The following ELAVL2 variants were observed in gnomAD, a reference collection of about 807,000 sequenced individuals.
The protein encoded by ELAVL2 is ELAV like RNA binding protein 2.
In ELAVL2, 4 loss-of-function variants were observed where a neutral mutation model predicts 34.6. That is an observed-to-expected ratio of 0.12 (90% CI 0.06 to 0.26). The LOEUF (loss-of-function observed/expected upper bound fraction) is 0.26. Among genes scored for constraint, ELAVL2 ranks in the 10% least tolerant of loss-of-function variants. The pLI, the probability that ELAVL2 is intolerant of heterozygous loss-of-function variation, is 1.00. For synonymous variants in ELAVL2, 193 were observed against 154.8 expected, an observed-to-expected ratio of 1.25 and a Z score of -1.83; for missense variants, 432 against 442.8, an observed-to-expected ratio of 0.98 and a Z score of 0.22.
intron 1 of ELAVL2, chr9:23,783,575 A>C: frequency 1.2e-6 from 1 of 840,396 alleles, no homozygotes; most frequent in Non-Finnish European, 1.4e-6. Flanking sequence ...AGAAGAAAAC[A>C]GATATGCCTC....
chr9:23,792,808 T>C (rs1043360670), intron 1 of ELAVL2, among the ~76,000 whole-genome samples: 2 of 152,116 alleles, frequency 1.3e-5, no homozygotes, highest in African/African-American at 2.4e-5. Context: ...TCTTACTCTG[T>C]CGCCCAGGAT....
At chr9:23,812,438 G>A (rs925983958) in intron 1 of ELAVL2, among the ~76,000 whole-genome samples, 6 of 151,982 alleles carry the variant, frequency 3.9e-5, no homozygotes, top group African/African-American at 1.5e-4. Flanking sequence ...AGCTCCACGG[G>A]AATGACTCCC....
intron 3 of ELAVL2, among the ~76,000 whole-genome samples, chr9:23,713,124 G>A (rs567481417): frequency 1.3e-5 from 2 of 152,274 alleles, no homozygotes; most frequent in Non-Finnish European, 2.9e-5. Context: ...AGTACAACTG[G>A]TACATAACTT....
intron 2 of ELAVL2, among the ~76,000 whole-genome samples, chr9:23,749,074 A>G (rs908098390): frequency 3.9e-5 from 6 of 152,152 alleles, no homozygotes; most frequent in African/African-American, 1.2e-4. Context: ...CGGCTGCATA[A>G]TACTGTGAAT....
upstream of ELAVL2, among the ~76,000 whole-genome samples, chr9:23,826,684 C>T (rs779476068): frequency 6.6e-5 from 10 of 152,186 alleles, no homozygotes; most frequent in Admixed American, 1.3e-4. Context: ...CAGAAAGATT[C>T]ATTTCCTTTG....
chr9:23,819,721 A>C (rs892526320), intron 1 of ELAVL2, among the ~76,000 whole-genome samples: 4 of 152,230 alleles, frequency 2.6e-5, no homozygotes, highest in African/African-American at 7.2e-5. Flanking sequence ...GCTGGTTTTA[A>C]CCACACAAAA....
At chr9:23,743,527 G>A (rs2049785954) in intron 2 of ELAVL2, among the ~76,000 whole-genome samples, 1 of 152,156 alleles carries the variant, frequency 6.6e-6, no homozygotes, top group Non-Finnish European at 1.5e-5. Flanking sequence ...AATGAGCAGA[G>A]CACAGAGGCT....
chr9:23,739,796 C>CAT (rs1022606678), intron 2 of ELAVL2, among the ~76,000 whole-genome samples: 2 of 151,810 alleles, frequency 1.3e-5, no homozygotes, highest in African/African-American at 4.8e-5. Context: ...CACACACACA[C>CAT]GCACACACCC....
intron 3 of ELAVL2, among the ~76,000 whole-genome samples, chr9:23,726,456 A>T (rs1554687601): frequency 2.0e-5 from 3 of 151,684 alleles, no homozygotes; most frequent in Non-Finnish European, 4.4e-5. Flanking sequence ...TCTAGACAGA[A>T]TTTTTTTTTC....
chr9:23,797,427 A>C (rs966957177), intron 1 of ELAVL2, among the ~76,000 whole-genome samples: 6 of 152,242 alleles, frequency 3.9e-5, no homozygotes, highest in Non-Finnish European at 8.8e-5. Context: ...TCTTCATGTT[A>C]TCTGGTAAAT....
At chr9:23,744,929 G>A (rs1048946560) in intron 2 of ELAVL2, among the ~76,000 whole-genome samples, 1 of 151,942 alleles carries the variant, frequency 6.6e-6, no homozygotes, top group African/African-American at 2.4e-5. Context: ...AAAAAAACAG[G>A]CTGGGCACAG....
chr9:23,822,912 T>C lies in ELAVL2; in HGVS notation c.-16+2894A>G, dbSNP rs911482794. On this transcript the variant is annotated intron_variant, in intron 1 of 6. Coordinates refer to ENST00000397312, the MANE Select transcript of ELAVL2 (RefSeq NM_004432.5). ...GGGCGTCCAGCGCTCCCCGCCCCCATGCGACGGGCGGAGCGGGGTTGGGGG... is the reference window on the plus strand; with the variant it reads ...GGGCGTCCAGCGCTCCCCGCCCCCACGCGACGGGCGGAGCGGGGTTGGGGG... 2.0e-5 allele frequency among the ~76,000 whole-genome samples: 3 copies of C among 152,178 alleles called. No homozygotes were observed. In the East Asian group the frequency reaches 5.8e-4, roughly 29 times the overall value.
chr9:23,840,779 A>C, the ELAVL2 span, among the ~76,000 whole-genome samples: 1,575 of 152,296 alleles, frequency 0.01, 26 homozygotes, highest in African/African-American at 0.036. Context: ...CTATTTAATA[A>C]ACATAGGCAA....
rs531342599 is a variant in ELAVL2, at chr9:23,772,904, T to C, written c.-15-10655A>G. On this transcript the variant is annotated intron_variant, in intron 1 of 6. Transcript: ENST00000397312. ...TCTTAAAAAAACAAGATTCACACCC[T>C]AAGATAGTAACTTTATTTCCTTTGG... Among the ~76,000 whole-genome samples the C allele has an allele frequency of 9.8e-4, 149 of 152,290 alleles. 2 individuals carry two copies. In the South Asian group the frequency reaches 0.03, roughly 31 times the overall value.
intron 5 of ELAVL2, among the ~76,000 whole-genome samples, chr9:23,699,794 A>G (rs552602615): frequency 2.9e-5 from 4 of 139,728 alleles, no homozygotes; most frequent in African/African-American, 8.2e-5. Context: ...CTACCATGGG[A>G]AGTCAAAGGT....
chr9:23,816,879 G>C (rs771304046), intron 1 of ELAVL2, among the ~76,000 whole-genome samples: 4 of 152,016 alleles, frequency 2.6e-5, no homozygotes, highest in Non-Finnish European at 5.9e-5. Flanking sequence ...AGTAGGTTAG[G>C]CGTATTAAAT....
chr9:23,751,050 C>A (rs1167845834), intron 2 of ELAVL2, among the ~76,000 whole-genome samples: 1 of 151,924 alleles, frequency 6.6e-6, no homozygotes, highest in Non-Finnish European at 1.5e-5. Context: ...GAGTCAAGGG[C>A]CCCATCAGAT....
At chr9:23,834,049 G>A in the ELAVL2 span, among the ~76,000 whole-genome samples, 2 of 151,924 alleles carry the variant, frequency 1.3e-5, no homozygotes, top group Non-Finnish European at 2.9e-5. Context: ...AGCATCCTTT[G>A]AGTGCCTAGC....
intron 3 of ELAVL2, among the ~76,000 whole-genome samples, chr9:23,720,168 C>T (rs1052513892): frequency 1.3e-5 from 2 of 148,720 alleles, no homozygotes; most frequent in African/African-American, 5.1e-5. Context: ...CTCTATAAGA[C>T]ACCCTTTCAC....
Sources: allele counts gnomAD v4.1 joint callset (sites outside exome capture counted in the v4.1 genomes callset), GRCh38; gene constraint gnomAD v4.1.1; transcripts MANE v1.5; gene names NCBI Gene and HGNC (gene_info 2026-07-23, HGNC 2026-07-21).